The following D2HGDH variants were observed in gnomAD, a reference collection of about 807,000 sequenced individuals.
D2HGDH encodes D-2-hydroxyglutarate dehydrogenase, mitochondrial.
Under a neutral mutation model 46.9 loss-of-function variants are expected in D2HGDH, and 31 were observed. That is an observed-to-expected ratio of 0.66 (90% confidence interval 0.50 to 0.89). The LOEUF (loss-of-function observed/expected upper bound fraction) is 0.89. D2HGDH is among the 40% of genes least tolerant of loss of function. The pLI is 0.00. For synonymous variants in D2HGDH, 364 were observed against 332.6 expected (o/e 1.09, Z -1.03); for missense variants, 698 against 720.8 (o/e 0.97, Z 0.36).
chr2:241,759,012 C>T (rs895846948), intron 9 of D2HGDH, among the ~76,000 whole-genome samples: 1 of 152,048 alleles, frequency 6.6e-6, no homozygotes, highest in Non-Finnish European at 1.5e-5. Context: ...AATTTCCAAA[C>T]GTGGTGGTTT....
At chr2:241,767,598 C>T in intron 9 of D2HGDH, 112 bp from the exon 10 acceptor site, 1 of 1,467,282 alleles carries the variant, frequency 6.8e-7, no homozygotes, top group Admixed American at 1.9e-5. Flanking sequence ...TGAGGCTCAG[C>T]CGGGGGTCTC....
chr2:241,734,756 G>GGGTCGGGGTGGCGCGCA lies in D2HGDH; in HGVS notation c.-93+74_-93+75insCGCAGGTCGGGGTGGCG, dbSNP rs538682242. 3.5e-3 allele frequency: 540 copies of GGGTCGGGGTGGCGCGCA among 155,682 alleles called. 2 individuals are homozygous for GGGTCGGGGTGGCGCGCA. Among genetic ancestry groups the GGGTCGGGGTGGCGCGCA allele is most frequent in the African/African-American group, 0.012 (504 of 41,682 alleles). 9.6% of individuals were successfully genotyped at this position (155,682 alleles called of 1,614,324 possible). A position where few individuals can be genotyped will look rare whatever the true frequency, so the allele number is the denominator to read the frequency against. ...GGGTCCCGGTCTGCGGTTCAGCCGCGGGTCGGGGTGGCGGGGCGCGATCTC... is the reference window on the plus strand; with the variant it reads ...GGGTCCCGGTCTGCGGTTCAGCCGCGGGTCGGGGTGGCGCGCAGGTCGGGGTGGCGGGGCGCGATCTC... On this transcript the variant is annotated intron_variant, in intron 1 of 9. Coordinates refer to ENST00000321264, the MANE Select transcript of D2HGDH (RefSeq NM_152783.5).
rs764980245 is a variant in D2HGDH at position 241,755,410 on chromosome 2, C to T, written c.1141-439C>T. 8.4e-6 allele frequency: 11 copies of T among 1,306,724 alleles called. No individual in the cohort carries two copies. In the Middle Eastern group the frequency reaches 1.7e-3, roughly 202 times the overall value. 80.9% of individuals were successfully genotyped at this position (1,306,724 alleles called of 1,614,324 possible). ...ACCCTGGTTCAGGGAGCGTCCAGGC[C>T]CATTCTCATCCTCAGGGCCTTCCCT... On this transcript the variant is annotated intron_variant, in intron 8 of 9. Coordinates refer to ENST00000321264, the MANE Select transcript of D2HGDH (RefSeq NM_152783.5).
At chr2:241,751,938 G>A (rs1018503486) in intron 8 of D2HGDH, among the ~76,000 whole-genome samples, 4 of 150,072 alleles carry the variant, frequency 2.7e-5, no homozygotes, top group Admixed American at 6.6e-5. Context: ...GGGAGCCCTC[G>A]GTCACCGTCA....
rs745398611 is a variant in D2HGDH at position 241,751,285 on chromosome 2, A to C, written c.1037A>C (p.Asn346Thr). 3.7e-5 allele frequency: 59 copies of C among 1,613,892 alleles called. No individual in the cohort carries two copies. The East Asian group carries it at 9.4e-4, about 26-fold the overall frequency. The change falls in exon 8 of 10, where the codon AAC becomes ACC. Residue 346 changes from asparagine to threonine, a missense_variant. By Grantham distance (65) the Asn-to-Thr change is moderately conservative. Transcript: ENST00000321264. ...FYVLIETSGS[N>T]AGHDAEKLGH... is the part of the protein sequence containing the mutation. ...GTCCTCATCGAGACTTCAGGCTCCA[A>C]CGCAGGCCATGACGCTGAGAAGCTG...
chr2:241,751,778 C>T (rs974544341), intron 8 of D2HGDH, among the ~76,000 whole-genome samples: 1 of 152,066 alleles, frequency 6.6e-6, no homozygotes, highest in African/African-American at 2.4e-5. Context: ...GCCTGGACCT[C>T]GGGAGTCCTA....
intron 2 of D2HGDH, 84 bp from the exon 3 acceptor site, chr2:241,740,949 A>C: frequency 8.5e-7 from 1 of 1,174,664 alleles, no homozygotes; most frequent in Non-Finnish European, 1.2e-6. Context: ...CCAAAAAAAA[A>C]AACTCGCTCT....
intron 2 of D2HGDH, among the ~76,000 whole-genome samples, chr2:241,740,757 C>G (rs1694231735): frequency 6.6e-6 from 1 of 152,170 alleles, no homozygotes; most frequent in South Asian, 2.1e-4. Context: ...CCAGCCTGGC[C>G]AATGTGGTGA....
intron 6 of D2HGDH, among the ~76,000 whole-genome samples, chr2:241,746,159 G>A (rs756379426): frequency 6.6e-6 from 1 of 152,016 alleles, no homozygotes; most frequent in Non-Finnish European, 1.5e-5. Context: ...CTCCTTTTGG[G>A]ACTGTGATTC....
chr2:241,749,644 C>T (rs1696759199), intron 6 of D2HGDH: 1 of 321,744 alleles, frequency 3.1e-6, no homozygotes, highest in African/African-American at 2.2e-5. Flanking sequence ...CTGTTGCTGG[C>T]TCTGTGTTTG....
Position 241,735,382 on chromosome 2 carries a change from C to T in D2HGDH, c.158C>T (p.Pro53Leu), listed in dbSNP as rs745573062. ...GTGCCGCTGACCCGGGAGCGCTACC[C>T]CGTGCGGCGCTTGCCGTTCTCCACG... ...PEVPLTRERYPVRRLPFSTVS... is the reference protein window; with the variant it reads ...PEVPLTRERYLVRRLPFSTVS... The change falls in exon 2 of 10, where the codon CCC becomes CTC. Residue 53 changes from proline (P) to leucine (L), a missense_variant. Transcript: ENST00000321264. 1.2e-5 allele frequency: 19 copies of T among 1,587,288 alleles called. No homozygotes were observed. The South Asian group carries it at 1.6e-4, about 13-fold the overall frequency.
intron 9 of D2HGDH, among the ~76,000 whole-genome samples, chr2:241,761,899 C>T (rs1056537286): frequency 6.6e-6 from 1 of 152,050 alleles, no homozygotes; most frequent in Non-Finnish European, 1.5e-5. Context: ...GTCTTTTCCT[C>T]AGTGGATTTC....
chr2:241,749,890 C>T (rs756736265), intron 6 of D2HGDH: 7 of 534,382 alleles, frequency 1.3e-5, no homozygotes, highest in Non-Finnish European at 2.1e-5. Context: ...TGACACCAGG[C>T]GTGCACCTTC....
chr2:241,749,513 C>A, intron 6 of D2HGDH: 3 of 599,760 alleles, frequency 5.0e-6, no homozygotes, highest in Non-Finnish European at 4.9e-6. Context: ...AGGGCAGCGG[C>A]CTCACTGGTA....
chr2:241,752,054 C>T (rs1401832832), intron 8 of D2HGDH, among the ~76,000 whole-genome samples: 1 of 149,150 alleles, frequency 6.7e-6, no homozygotes, highest in African/African-American at 2.5e-5. Flanking sequence ...CCCTCAGTTA[C>T]CTTCACCGGG....
chr2:241,743,964 T>C lies in D2HGDH; in HGVS notation c.684+149T>C, dbSNP rs1440624791. On this transcript the variant is annotated intron_variant, in intron 5 of 9. Transcript: ENST00000321264. This position sits in a 1 kb window ranked among gnomAD's most constrained non-coding sequence, Gnocchi z 4.8. ...CTGGGCCCCTCAAGGATGTGTGGGC[T>C]ACATACACCCCCATCCTGAGGGAGG... The C allele has an allele frequency of 7.2e-6, 6 of 835,352 alleles. No homozygotes were observed. The highest frequency in any genetic ancestry group is 2.6e-5 in the Admixed American group (1 of 38,948). 51.7% of individuals were successfully genotyped at this position (835,352 alleles called of 1,614,324 possible).
chr2:241,750,393 C>CGG, intron 7 of D2HGDH, 99 bp downstream of exon 7: 8 of 489,006 alleles, frequency 1.6e-5, no homozygotes, highest in Non-Finnish European at 2.7e-5. Flanking sequence ...CGGGGGGTGC[C>CGG]CGGGCGGGCG....
At chr2:241,748,004 T>C (rs1696325480) in intron 6 of D2HGDH, among the ~76,000 whole-genome samples, 1 of 152,226 alleles carries the variant, frequency 6.6e-6, no homozygotes, top group African/African-American at 2.4e-5. Context: ...CTGGGTAGGC[T>C]GGGAAGCTTG....
At chr2:241,734,923 C>T (rs1692323893) in intron 1 of D2HGDH, 3 of 362,906 alleles carry the variant, frequency 8.3e-6, no homozygotes, top group Non-Finnish European at 1.5e-5. Flanking sequence ...GGCAAGGTCC[C>T]GGCGAGGCCG....
Sources: gnomAD v4.1 joint callset for allele counts (sites outside exome capture counted in the v4.1 genomes callset) on GRCh38, gnomAD v4.1.1 for gene constraint, Gnocchi (gnomAD v3.1) non-coding constraint, MANE v1.5 for transcripts, NCBI Gene and HGNC (gene_info 2026-07-23, HGNC 2026-07-21) for gene names.